Variants in SHC3 observed in about 807,000 individuals in gnomAD.
SHC3 encodes SHC-transforming protein 3.
Under a neutral mutation model 60.4 loss-of-function variants are expected in SHC3, and 15 were observed. The ratio of observed to expected loss-of-function variants is 0.25; its 90% CI spans 0.17 to 0.38. The LOEUF is 0.38. Among genes scored for constraint, SHC3 ranks in the 10% least tolerant of loss-of-function variants. The pLI is 1.00. For synonymous variants in SHC3, 294 were observed against 325.9 expected, an observed-to-expected ratio of 0.90 and a Z score of 1.05; for missense variants, 677 against 786.1, an observed-to-expected ratio of 0.86 and a Z score of 1.66.
In SHC3 at chr9:89,071,220, G is replaced by C. The variant is rs1825265466; in HGVS notation, c.762C>G (p.Ser254=). 6.2e-7 allele frequency: 1 copy of C among 1,614,140 alleles called. No homozygotes were observed. The highest frequency in any genetic ancestry group is 8.5e-7 in the Non-Finnish European group (1 of 1,179,994). The stretch of plus-strand genomic sequence containing the variant: ...TTACCGGGTCTCCCCCAGAGGCGAA[G>C]GAGATGGACCGCATGTGGTGATTCG... ...IIANHHMRSI[S]FASGGDPDTT... Residue 254 remains serine (S), a synonymous_variant, in exon 5 of 12, where the codon TCC becomes TCG. Coordinates refer to ENST00000375835, the MANE Select transcript of SHC3 (RefSeq NM_016848.6).
chr9:89,023,145 T>C (rs1265233427), intron 11 of SHC3, among the ~76,000 whole-genome samples: 1 of 152,224 alleles, frequency 6.6e-6, no homozygotes, highest in Non-Finnish European at 1.5e-5. Flanking sequence ...GAGGTCAGCC[T>C]GGGGCCTCAG....
rs916189352 is a variant in SHC3, at chr9:89,121,034, G to A, written c.475-8408C>T. On this transcript the variant is annotated intron_variant, in intron 1 of 11. Transcript: ENST00000375835. ...AATAAAGTAGGCAATAATAACATAC[G>A]TATTTTTGCAAGCATAAACACTTAG... Among the ~76,000 whole-genome samples, 20 of 152,132 alleles carry A rather than the reference G, an allele frequency of 1.3e-4. 1 individual carries two copies. In the East Asian group the frequency reaches 3.3e-3, roughly 25 times the overall value.
chr9:89,165,870 A>G lies in SHC3; in HGVS notation c.474+12117T>C, dbSNP rs553818237. Among the ~76,000 whole-genome samples, 15 of 152,312 alleles carry G rather than the reference A, an allele frequency of 9.8e-5. No individual in the cohort carries two copies. The East Asian group carries it at 2.9e-3, about 29-fold the overall frequency. ...ATGTTTCAGTAGCCTTGAGCCCATG[A>G]CGCTTGTCTCAGCTTCCAACATCAC... On this transcript the variant is annotated intron_variant, in intron 1 of 11. Coordinates refer to ENST00000375835, the MANE Select transcript of SHC3 (RefSeq NM_016848.6).
At chr9:89,063,087 T>C (rs752291538) in intron 6 of SHC3, among the ~76,000 whole-genome samples, 20 of 152,190 alleles carry the variant, frequency 1.3e-4, no homozygotes, top group Non-Finnish European at 2.5e-4. Flanking sequence ...ATTCTTTCCT[T>C]GAAGGGTACA....
At chr9:89,091,035 A>G (rs1825613817) in intron 2 of SHC3, among the ~76,000 whole-genome samples, 1 of 152,226 alleles carries the variant, frequency 6.6e-6, no homozygotes, top group Admixed American at 6.5e-5. Flanking sequence ...AGATCTGAAC[A>G]CATGAAAACT....
intron 5 of SHC3, among the ~76,000 whole-genome samples, chr9:89,068,912 T>C (rs1361642947): frequency 1.3e-5 from 2 of 152,178 alleles, no homozygotes; most frequent in African/African-American, 4.8e-5. Context: ...CCTCCAAATT[T>C]AAGAAACTAT....
At chr9:89,044,660 T>C (rs1267196932) in intron 9 of SHC3, among the ~76,000 whole-genome samples, 2 of 152,182 alleles carry the variant, frequency 1.3e-5, no homozygotes, top group Admixed American at 6.5e-5. Context: ...GAGATATGAA[T>C]ACATTCATAC....
At chr9:89,107,826 C>T (rs1441219062) in intron 2 of SHC3, among the ~76,000 whole-genome samples, 2 of 152,188 alleles carry the variant, frequency 1.3e-5, no homozygotes, top group Non-Finnish European at 2.9e-5. Flanking sequence ...TAGATTCACT[C>T]TTTTCCCTTT....
intron 2 of SHC3, among the ~76,000 whole-genome samples, chr9:89,080,560 A>G (rs1825427698): frequency 6.6e-6 from 1 of 152,122 alleles, no homozygotes; most frequent in Non-Finnish European, 1.5e-5. Context: ...GTCAATGCAC[A>G]TCAGTAGAGA....
At chr9:89,059,781 G>GGTGGTGGAGGATATGATATAGGAT (rs1825048337) in intron 6 of SHC3, among the ~76,000 whole-genome samples, 1 of 35,804 alleles carries the variant, frequency 2.8e-5, no homozygotes. Context: ...GGTGGAGGAT[G>GGTGGTGGAGGATATGATATAGGAT]GTGGTGGAGG....
intron 1 of SHC3, among the ~76,000 whole-genome samples, chr9:89,116,981 C>A (rs934386742): frequency 6.6e-6 from 1 of 152,174 alleles, no homozygotes; most frequent in Non-Finnish European, 1.5e-5. Context: ...CGGGATGATG[C>A]CCTGCTCCTC....
chr9:89,059,851 A>G (rs548304794), intron 6 of SHC3, among the ~76,000 whole-genome samples: 52 of 107,986 alleles, frequency 4.8e-4, no homozygotes, highest in African/African-American at 1.7e-3. Flanking sequence ...GATGTGGTGG[A>G]GGATGGTGGT....
intron 2 of SHC3, among the ~76,000 whole-genome samples, chr9:89,080,400 T>C (rs889558748): frequency 6.6e-6 from 1 of 152,194 alleles, no homozygotes; most frequent in African/African-American, 2.4e-5. Flanking sequence ...AACCGCCAGA[T>C]GTGAACCCTC....
Position 89,011,033 on chromosome 9 carries a change from T to C in SHC3, c.*2414A>G, listed in dbSNP as rs1826008041. 2 of 152,258 alleles carry C rather than the reference T, an allele frequency of 1.3e-5. No individual in the cohort carries two copies. The highest frequency in any genetic ancestry group is 4.8e-5 in the African/African-American group (2 of 41,462). 9.4% of individuals were successfully genotyped at this position (152,258 alleles called of 1,614,324 possible). A position where few individuals can be genotyped will look rare whatever the true frequency, so the allele number is the denominator to read the frequency against. On this transcript the variant is annotated 3_prime_UTR_variant, in exon 12 of 12. Coordinates refer to ENST00000375835, the MANE Select transcript of SHC3 (RefSeq NM_016848.6). Reference sequence around the variant, plus strand: ...AACTAATGTGTGCTCTAACCCACTTTACAAATGGGAGGGAACAAAGATTAG... The same window carrying C: ...AACTAATGTGTGCTCTAACCCACTTCACAAATGGGAGGGAACAAAGATTAG...
At chr9:89,099,426 A>G (rs1033330533) in intron 2 of SHC3, among the ~76,000 whole-genome samples, 1 of 152,190 alleles carries the variant, frequency 6.6e-6, no homozygotes, top group South Asian at 2.1e-4. Context: ...TTTTCTATGG[A>G]ATATCATCCT....
intron 1 of SHC3, among the ~76,000 whole-genome samples, chr9:89,168,357 C>T (rs556095107): frequency 6.6e-6 from 1 of 152,066 alleles, no homozygotes; most frequent in Admixed American, 6.5e-5. Context: ...CCCAGCTACT[C>T]AGGAGGCTGA....
intron 2 of SHC3, among the ~76,000 whole-genome samples, chr9:89,107,140 G>T (rs1330698302): frequency 6.6e-6 from 1 of 152,200 alleles, no homozygotes; most frequent in Non-Finnish European, 1.5e-5. Flanking sequence ...CACCCTGATG[G>T]GCTGGCTGGA....
At chr9:89,101,413 T>C (rs1825780860) in intron 2 of SHC3, among the ~76,000 whole-genome samples, 2 of 152,262 alleles carry the variant, frequency 1.3e-5, no homozygotes, top group African/African-American at 4.8e-5. Flanking sequence ...CCTTATTGCA[T>C]TGACTTGCCT....
rs746618834 is a variant in SHC3, at chr9:89,178,409, C to T, written c.52G>A (p.Val18Ile). 2 of 1,541,700 alleles carry T rather than the reference C, an allele frequency of 1.3e-6. No individual in the cohort carries two copies. The highest frequency in any genetic ancestry group is 1.2e-5 in the South Asian group (1 of 83,050). Residue 18 changes from valine (V) to isoleucine (I), a missense_variant, in exon 1 of 12, where the codon GTC becomes ATC. By Grantham distance (29) the Val-to-Ile change is conservative. Coordinates refer to ENST00000375835, the MANE Select transcript of SHC3 (RefSeq NM_016848.6). The surrounding 1 kb of genome is among the most constrained non-coding windows in gnomAD (Gnocchi z 6.9). ...GACAGGCTGTGGAGAAGGTCATCGACCGATGTCACCGAGTCATTCCTGAAG... is the reference window on the plus strand; with the variant it reads ...GACAGGCTGTGGAGAAGGTCATCGATCGATGTCACCGAGTCATTCCTGAAG... ...NRFRNDSVTSVDDLLHSLSVS... is the reference protein window; with the variant it reads ...NRFRNDSVTSIDDLLHSLSVS...
Sources: gnomAD v4.1 joint callset for allele counts (sites outside exome capture counted in the v4.1 genomes callset) on GRCh38, gnomAD v4.1.1 for gene constraint, Gnocchi (gnomAD v3.1) non-coding constraint, MANE v1.5 for transcripts, NCBI Gene and HGNC (gene_info 2026-07-23, HGNC 2026-07-21) for gene names.